TNR: variants seen among roughly 807,000 people sequenced by gnomAD.
TNR encodes the protein tenascin-R.
TNR carries 45 observed loss-of-function variants against 150.4 expected under a neutral mutation model. The ratio of observed to expected loss-of-function variants is 0.30; its 90% CI spans 0.24 to 0.38. The LOEUF (loss-of-function observed/expected upper bound fraction) is 0.38. TNR is among the 10% of genes least tolerant of loss of function. The pLI is 1.00. For synonymous variants in TNR, 687 were observed against 678.4 expected (o/e 1.01, Z -0.20); for missense variants, 1,544 against 1,759.1 (o/e 0.88, Z 2.19).
chr1:175,709,335 ACACACACG>A (rs1327743079), intron 1 of TNR, among the ~76,000 whole-genome samples: 2 of 151,910 alleles, frequency 1.3e-5, no homozygotes, highest in Admixed American at 6.6e-5. Flanking sequence ...ACACACACAC[ACACACACG>A]CACTTCCAAC....
intron 1 of TNR, among the ~76,000 whole-genome samples, chr1:175,610,450 T>C (rs1042085490): frequency 2.0e-5 from 3 of 152,258 alleles, no homozygotes; most frequent in African/African-American, 2.4e-5. Flanking sequence ...AAATGCTTGT[T>C]AACCAAACTT....
chr1:175,403,368 A>T lies in TNR; in HGVS notation c.748T>A (p.Cys250Ser). The T allele has an allele frequency of 1.2e-6, 2 of 1,612,616 alleles. No individual in the cohort carries two copies. The highest frequency in any genetic ancestry group is 1.7e-6 in the Non-Finnish European group (2 of 1,179,676). Residue 250 changes from cysteine to serine, a missense_variant, in exon 4 of 23, where the codon TGT becomes AGT. Coordinates refer to ENST00000367674, the MANE Select transcript of TNR (RefSeq NM_003285.3). ...CCAGTGTAGGGCTCTTCACAGACAC[A>T]CTCCCCGTCCACGCAGAGCCCCCGG... ...SSRGLCVDGE[C>S]VCEEPYTGED...
At chr1:175,630,563 C>G (rs764727198) in intron 1 of TNR, among the ~76,000 whole-genome samples, 1 of 152,186 alleles carries the variant, frequency 6.6e-6, no homozygotes, top group Admixed American at 6.5e-5. Context: ...CTCTTTTCCT[C>G]CCTTCCTCCC....
At chr1:175,640,640 G>A (rs1043408618) in intron 1 of TNR, among the ~76,000 whole-genome samples, 6 of 152,026 alleles carry the variant, frequency 3.9e-5, no homozygotes, top group Non-Finnish European at 8.8e-5. Context: ...TTGGGCTCAC[G>A]ACAGTTCTCA....
intron 1 of TNR, among the ~76,000 whole-genome samples, chr1:175,560,645 C>T (rs1362280161): frequency 6.6e-6 from 1 of 152,214 alleles, no homozygotes; most frequent in Admixed American, 6.5e-5. Context: ...AGTAATTCAT[C>T]TTAGGATTTC....
At position 175,387,626 on chromosome 1, in the gene TNR, C is replaced by T. The variant is rs555140361; in HGVS notation, c.1508-1325G>A. On this transcript the variant is annotated intron_variant, in intron 7 of 22. Transcript: ENST00000367674. ...CAGATGCATTTCTGGTCCTGGGATT[C>T]CCATGAGGCACTCTATGTCCTTCCA... Among the ~76,000 whole-genome samples the T allele has an allele frequency of 2.0e-5, 3 of 152,312 alleles. No homozygotes were observed. In the South Asian group the frequency reaches 6.2e-4, roughly 32 times the overall value.
intron 1 of TNR, among the ~76,000 whole-genome samples, chr1:175,727,339 T>A (rs766405758): frequency 2.6e-5 from 4 of 152,148 alleles, no homozygotes; most frequent in Non-Finnish European, 5.9e-5. Flanking sequence ...AGTACCAAGT[T>A]AACATAGAAA....
At chr1:175,337,469 C>A (rs1650303379) in intron 19 of TNR, 59 bp downstream of exon 19, 2 of 1,601,984 alleles carry the variant, frequency 1.2e-6, no homozygotes, top group Admixed American at 3.3e-5. Context: ...AGGTGCTGAG[C>A]TAGGTAGACT....
At chr1:175,691,717 C>T (rs1413553192) in intron 1 of TNR, among the ~76,000 whole-genome samples, 4 of 152,162 alleles carry the variant, frequency 2.6e-5, no homozygotes, top group Admixed American at 1.3e-4. Context: ...AGGTGACAGA[C>T]AGGCAGCCTG....
intron 1 of TNR, among the ~76,000 whole-genome samples, chr1:175,668,984 T>G (rs905948388): frequency 3.3e-5 from 5 of 152,164 alleles, no homozygotes; most frequent in Admixed American, 2.0e-4. Flanking sequence ...ACAAGGAGGA[T>G]GATTTCCAAG....
At chr1:175,549,968 CCTG>C (rs1660871866) in intron 1 of TNR, among the ~76,000 whole-genome samples, 1 of 152,160 alleles carries the variant, frequency 6.6e-6, no homozygotes, top group Non-Finnish European at 1.5e-5. Context: ...GTTGTTTTAA[CCTG>C]CTATTTTTGT....
At chr1:175,665,208 G>A (rs1391238515) in intron 1 of TNR, among the ~76,000 whole-genome samples, 1 of 152,096 alleles carries the variant, frequency 6.6e-6, no homozygotes, top group African/African-American at 2.4e-5. Flanking sequence ...AGCACTTTGG[G>A]GATTTTATTT....
intron 2 of TNR, among the ~76,000 whole-genome samples, chr1:175,520,062 G>A (rs1011517708): frequency 2.6e-5 from 4 of 152,148 alleles, no homozygotes; most frequent in South Asian, 2.1e-4. Flanking sequence ...TCCTACTATC[G>A]TTGGTTGTTA....
rs1329180157 is a variant in TNR, at chr1:175,324,656, G to T, written c.3794-137C>A. The T allele has an allele frequency of 3.9e-6, 4 of 1,038,556 alleles. No individual in the cohort carries two copies. In the African/African-American group the frequency reaches 4.8e-5, roughly 12 times the overall value. The allele number at this position is 1,038,556 out of a possible 1,614,324, so 64.3% of individuals were successfully genotyped here. On this transcript the variant is annotated intron_variant, in intron 21 of 22. Transcript: ENST00000367674. ...CATTTCCACCCAGTTTCTCAGAGTG[G>T]CTGTGCTGAACTCTTACTCCACCTT...
chr1:175,527,352 G>A (rs1659884212), intron 2 of TNR, among the ~76,000 whole-genome samples: 1 of 152,194 alleles, frequency 6.6e-6, no homozygotes, highest in Admixed American at 6.5e-5. Context: ...CTGCCACTGA[G>A]GGTGTTCTGG....
chr1:175,741,333 T>A (rs913052088), intron 1 of TNR, among the ~76,000 whole-genome samples: 3 of 152,242 alleles, frequency 2.0e-5, no homozygotes, highest in African/African-American at 7.2e-5. Flanking sequence ...AGCACTTTTT[T>A]TTCAGAGAAA....
chr1:175,505,593 G>C (rs539426840), intron 2 of TNR, among the ~76,000 whole-genome samples: 65 of 152,222 alleles, frequency 4.3e-4, no homozygotes, highest in Non-Finnish European at 8.1e-4. Context: ...AGTGGGCAGC[G>C]TGCTGCCAGG....
intron 20 of TNR, among the ~76,000 whole-genome samples, chr1:175,331,058 TTTCTTTCTTTCTTTCTTTCC>T (rs1649799628): frequency 3.4e-5 from 4 of 116,206 alleles, no homozygotes; most frequent in African/African-American, 7.3e-5. Context: ...TCTTTCTTTC[TTTCTTTCTTTCTTTCTTTCC>T]TTCTTTCTTT....
intron 13 of TNR, among the ~76,000 whole-genome samples, chr1:175,363,464 G>A (rs1651690992): frequency 6.6e-6 from 1 of 152,174 alleles, no homozygotes; most frequent in South Asian, 2.1e-4. Context: ...CTAGATAATG[G>A]TGATCAGTTA....
Sources: allele counts gnomAD v4.1 joint callset (sites outside exome capture counted in the v4.1 genomes callset), GRCh38; gene constraint gnomAD v4.1.1; transcripts MANE v1.5; gene names NCBI Gene and HGNC (gene_info 2026-07-23, HGNC 2026-07-21).